The following SORCS3 variants were observed in gnomAD, a reference collection of about 807,000 sequenced individuals.
The protein encoded by SORCS3 is VPS10 domain-containing receptor SorCS3.
SORCS3 carries 57 observed loss-of-function variants against 146.3 expected under a neutral mutation model. That is an observed-to-expected ratio of 0.39 (90% CI 0.31 to 0.49). SORCS3 has a LOEUF of 0.49. Among genes scored for constraint, SORCS3 ranks in the 20% least tolerant of loss-of-function variants. The pLI is 0.92. For synonymous variants in SORCS3, 653 were observed against 618.5 expected, an observed-to-expected ratio of 1.06 and a Z score of -0.83; for missense variants, 1,341 against 1,575.5, an observed-to-expected ratio of 0.85 and a Z score of 2.52.
intron 6 of SORCS3, among the ~76,000 whole-genome samples, chr10:105,098,145 A>G (rs965374191): frequency 1.3e-5 from 2 of 152,206 alleles, no homozygotes; most frequent in African/African-American, 4.8e-5. Flanking sequence ...ATATTGATTA[A>G]TTCAATAACT....
intron 1 of SORCS3, among the ~76,000 whole-genome samples, chr10:104,718,178 A>G (rs1287358047): frequency 2.0e-5 from 3 of 152,078 alleles, no homozygotes; most frequent in African/African-American, 2.4e-5. Flanking sequence ...GAATAAATAA[A>G]TAAATAAGAG....
At chr10:104,662,008 C>T (rs1304213858) in intron 1 of SORCS3, among the ~76,000 whole-genome samples, 1 of 152,104 alleles carries the variant, frequency 6.6e-6, no homozygotes, top group Admixed American at 6.5e-5. Flanking sequence ...TCCCTCATAA[C>T]TTTATGAGTT....
intron 20 of SORCS3, among the ~76,000 whole-genome samples, chr10:105,235,328 G>A (rs1189719046): frequency 6.6e-6 from 1 of 151,848 alleles, no homozygotes; most frequent in Non-Finnish European, 1.5e-5. Flanking sequence ...TAACCATATG[G>A]GCAATTTTCT....
At chr10:105,233,519 C>T (rs1329665109) in intron 20 of SORCS3, among the ~76,000 whole-genome samples, 1 of 152,072 alleles carries the variant, frequency 6.6e-6, no homozygotes, top group Admixed American at 6.6e-5. Flanking sequence ...AACCTGTCAT[C>T]TACATTAGGT....
chr10:104,826,626 T>G (rs909889051), intron 1 of SORCS3, among the ~76,000 whole-genome samples: 1 of 152,234 alleles, frequency 6.6e-6, no homozygotes, highest in African/African-American at 2.4e-5. Context: ...TCATCTTTTT[T>G]GCTGGTAGAG....
chr10:104,940,230 ATATATATATTT>A (rs1167262375), intron 3 of SORCS3, among the ~76,000 whole-genome samples: 607 of 23,834 alleles, frequency 0.025, 4 homozygotes, highest in East Asian at 0.088. Context: ...ATATATATAT[ATATATATATTT>A]TTTTTTTTTT....
Position 104,726,263 on chromosome 10 carries a change from C to T in SORCS3, c.627+84309C>T, listed in dbSNP as rs192768480. On this transcript the variant is annotated intron_variant, in intron 1 of 26. Transcript: ENST00000369701. ...GTACCCAGGAGAATGGACACCTTCCCCTCTGGGAGCCTTAGAGGAACATCT... is the reference window on the plus strand; with the variant it reads ...GTACCCAGGAGAATGGACACCTTCCTCTCTGGGAGCCTTAGAGGAACATCT... Among the ~76,000 whole-genome samples, 10 of 152,336 alleles carry T rather than the reference C, an allele frequency of 6.6e-5. No homozygotes were observed. In the East Asian group the frequency reaches 1.9e-3, roughly 29 times the overall value.
intron 1 of SORCS3, among the ~76,000 whole-genome samples, chr10:104,797,277 T>C (rs921903458): frequency 2.6e-5 from 4 of 152,224 alleles, no homozygotes; most frequent in African/African-American, 9.6e-5. Flanking sequence ...ATTTAGTGAC[T>C]AATGATAGTA....
At chr10:105,062,551 G>T (rs946542415) in intron 5 of SORCS3, among the ~76,000 whole-genome samples, 1 of 152,132 alleles carries the variant, frequency 6.6e-6, no homozygotes, top group East Asian at 1.9e-4. Context: ...ATAGGGACCC[G>T]GTGTAGTGGG....
chr10:105,152,583 C>T (rs1400500006), intron 9 of SORCS3, among the ~76,000 whole-genome samples: 1 of 151,932 alleles, frequency 6.6e-6, no homozygotes, highest in Admixed American at 6.6e-5. Context: ...ATTCACATAC[C>T]CAAGTTATTC....
At chr10:105,113,320 A>G (rs1350331328) in intron 7 of SORCS3, among the ~76,000 whole-genome samples, 2 of 152,178 alleles carry the variant, frequency 1.3e-5, no homozygotes, top group African/African-American at 4.8e-5. Context: ...TTAATGTGCA[A>G]TTTTTTACAC....
intron 18 of SORCS3, among the ~76,000 whole-genome samples, chr10:105,216,324 G>A (rs1037634572): frequency 6.6e-6 from 1 of 152,054 alleles, no homozygotes; most frequent in African/African-American, 2.4e-5. Flanking sequence ...TAAGTGAGTA[G>A]CATAATTCTG....
intron 4 of SORCS3, among the ~76,000 whole-genome samples, chr10:105,000,937 T>C (rs1038565809): frequency 1.3e-4 from 20 of 152,208 alleles, no homozygotes; most frequent in Admixed American, 1.2e-3. Context: ...TCGAGTCAGA[T>C]ACTGCTTTAT....
intron 5 of SORCS3, among the ~76,000 whole-genome samples, chr10:105,061,141 A>T (rs894999790): frequency 6.6e-6 from 1 of 152,170 alleles, no homozygotes; most frequent in African/African-American, 2.4e-5. Flanking sequence ...GCTCAAATTC[A>T]GCATAATATT....
intron 1 of SORCS3, among the ~76,000 whole-genome samples, chr10:104,699,280 T>C (rs2016253053): frequency 6.6e-6 from 1 of 152,196 alleles, no homozygotes; most frequent in Non-Finnish European, 1.5e-5. Context: ...ACATGTGACA[T>C]GTTTGCAGAG....
intron 2 of SORCS3, among the ~76,000 whole-genome samples, chr10:104,896,238 C>G (rs1411994031): frequency 6.6e-6 from 1 of 152,218 alleles, no homozygotes; most frequent in Non-Finnish European, 1.5e-5. Flanking sequence ...CAGTTCCCCT[C>G]TTTGCAGGAC....
chr10:104,712,497 T>C (rs2016430047), intron 1 of SORCS3, among the ~76,000 whole-genome samples: 1 of 152,222 alleles, frequency 6.6e-6, no homozygotes, highest in African/African-American at 2.4e-5. Context: ...GTGAGTCTCT[T>C]GGCTCAGGAA....
At chr10:104,793,899 G>C (rs7921707) in intron 1 of SORCS3, among the ~76,000 whole-genome samples, 1 of 152,192 alleles carries the variant, frequency 6.6e-6, no homozygotes. Context: ...GAAACCGTCA[G>C]AGTCAACAAA....
intron 13 of SORCS3, among the ~76,000 whole-genome samples, chr10:105,174,244 C>T (rs1240641468): frequency 2.0e-5 from 3 of 152,082 alleles, no homozygotes; most frequent in Non-Finnish European, 1.5e-5. Context: ...ACTTCTGTCT[C>T]CCTGAGTATT....
Sources: gnomAD v4.1 joint callset for allele counts (sites outside exome capture counted in the v4.1 genomes callset) on GRCh38, gnomAD v4.1.1 for gene constraint, MANE v1.5 for transcripts, NCBI Gene and HGNC (gene_info 2026-07-23, HGNC 2026-07-21) for gene names.